RANBP2: variants seen among roughly 807,000 people sequenced by gnomAD.
RANBP2 encodes RAN binding protein 2.
A neutral mutation model predicts 303.6 loss-of-function variants in RANBP2; 57 were observed. The observed-to-expected ratio is 0.19, with a 90% CI of 0.15 to 0.23. The LOEUF (loss-of-function observed/expected upper bound fraction) is 0.23. Among genes scored for constraint, RANBP2 ranks in the 10% least tolerant of loss-of-function variants. The pLI, the probability that RANBP2 is intolerant of heterozygous loss-of-function variation, is 1.00. For missense variants in RANBP2, 3,138 were observed against 3,780.8 expected (o/e 0.83, Z 4.46); for synonymous variants, 1,167 against 1,301.5 (o/e 0.90, Z 2.23).
the RANBP2 span, among the ~76,000 whole-genome samples, chr2:108,988,805 C>T: frequency 6.6e-6 from 1 of 152,182 alleles, no homozygotes; most frequent in Non-Finnish European, 1.5e-5. Flanking sequence ...GAACTGGTAG[C>T]GCAGACATAC....
the RANBP2 span, among the ~76,000 whole-genome samples, chr2:109,666,783 A>G: frequency 0.96 from 146,100 of 152,314 alleles, 70,267 homozygotes; most frequent in Non-Finnish European, 0.99. Flanking sequence ...AAAAATAATC[A>G]CCTCAGTGGC....
At chr2:109,420,806 T>A in the RANBP2 span, among the ~76,000 whole-genome samples, 1 of 152,146 alleles carries the variant, frequency 6.6e-6, no homozygotes, top group Admixed American at 6.5e-5. Flanking sequence ...CTTCAAAAGG[T>A]CTAGAAGTAG....
At chr2:108,755,905 G>A (rs1676278170) in intron 17 of RANBP2, among the ~76,000 whole-genome samples, 1 of 151,984 alleles carries the variant, frequency 6.6e-6, no homozygotes, top group Non-Finnish European at 1.5e-5. Flanking sequence ...TGTATGTTTA[G>A]TAGACACAGA....
the RANBP2 span, among the ~76,000 whole-genome samples, chr2:108,925,789 T>C: frequency 0.5 from 75,965 of 151,940 alleles, 24,081 homozygotes; most frequent in Middle Eastern, 0.74. Context: ...GGCTAATTTT[T>C]ATATTTTAAT....
the RANBP2 span, among the ~76,000 whole-genome samples, chr2:109,627,379 T>G: frequency 6.6e-6 from 1 of 152,056 alleles, no homozygotes; most frequent in African/African-American, 2.4e-5. Context: ...GTATTTTTAG[T>G]AGAGATGGGG....
At chr2:108,805,324 A>G in the RANBP2 span, among the ~76,000 whole-genome samples, 1 of 152,140 alleles carries the variant, frequency 6.6e-6, no homozygotes, top group Admixed American at 6.6e-5. Context: ...ACATTCATTT[A>G]TTTTTGAGTA....
the RANBP2 span, among the ~76,000 whole-genome samples, chr2:108,796,198 G>A: frequency 6.6e-6 from 1 of 151,994 alleles, no homozygotes; most frequent in Admixed American, 6.5e-5. Flanking sequence ...ACAGGCACCT[G>A]CCACCGCGCC....
At chr2:109,760,198 T>C in the RANBP2 span, 4 of 148,274 alleles carry the variant, frequency 2.7e-5, no homozygotes, top group Non-Finnish European at 3.0e-5. Flanking sequence ...CCTGGTTTTG[T>C]TAAAAAAAAA....
At chr2:109,075,803 A>T in the RANBP2 span, among the ~76,000 whole-genome samples, 3 of 150,642 alleles carry the variant, frequency 2.0e-5, no homozygotes, top group Non-Finnish European at 4.4e-5. Flanking sequence ...CAGATGAGTT[A>T]CAAATAAGGA....
At chr2:108,943,058 C>A in the RANBP2 span, among the ~76,000 whole-genome samples, 1 of 152,336 alleles carries the variant, frequency 6.6e-6, no homozygotes, top group South Asian at 2.1e-4. Context: ...ATGTCCCTTT[C>A]AGAGTGGGCT....
the RANBP2 span, among the ~76,000 whole-genome samples, chr2:109,471,168 G>A: frequency 4.2e-5 from 6 of 142,856 alleles, no homozygotes; most frequent in Non-Finnish European, 9.0e-5. Context: ...AGCCGAGATC[G>A]TGCCATTGCA....
chr2:108,749,200 A>T lies in RANBP2; in HGVS notation c.1273+71A>T, dbSNP rs938955977. On this transcript the variant is annotated intron_variant, in intron 9 of 28. Coordinates refer to ENST00000283195, the MANE Select transcript of RANBP2 (RefSeq NM_006267.5). ...TAAATTGCCCATAATCTTATTACCC[A>T]GAAATAACGACTTAATATTTTCCTG... is the stretch of plus-strand genomic sequence containing the variant. 8.8e-5 allele frequency: 141 copies of T among 1,606,222 alleles called. 1 individual carries two copies. The highest frequency in any genetic ancestry group is 4.4e-5 in the South Asian group (4 of 90,742).
At chr2:109,641,202 G>C in the RANBP2 span, among the ~76,000 whole-genome samples, 5 of 151,976 alleles carry the variant, frequency 3.3e-5, no homozygotes, top group East Asian at 1.9e-4. Flanking sequence ...GCAGTGGAGC[G>C]ATCTTGGCTC....
the RANBP2 span, among the ~76,000 whole-genome samples, chr2:109,652,976 C>T: frequency 6.6e-6 from 1 of 152,110 alleles, no homozygotes; most frequent in Non-Finnish European, 1.5e-5. Flanking sequence ...CTAGCAAAGT[C>T]CTGGGAATTG....
At chr2:109,354,106 A>G in the RANBP2 span, among the ~76,000 whole-genome samples, 1 of 152,206 alleles carries the variant, frequency 6.6e-6, no homozygotes, top group Non-Finnish European at 1.5e-5. Context: ...TCAGAGGCAC[A>G]GTTTTGGGTT....
At chr2:108,930,289 A>C in the RANBP2 span, 3 of 1,613,124 alleles carry the variant, frequency 1.9e-6, no homozygotes, top group Admixed American at 1.7e-5. Flanking sequence ...CCTTAGAAAC[A>C]CATGTGACTC....
the RANBP2 span, among the ~76,000 whole-genome samples, chr2:108,921,977 G>A: frequency 3.9e-5 from 6 of 152,246 alleles, no homozygotes; most frequent in Admixed American, 3.3e-4. Flanking sequence ...GGGGGTGGGA[G>A]TGGGGTGCGC....
chr2:109,582,571 T>C, the RANBP2 span, among the ~76,000 whole-genome samples: 1 of 152,190 alleles, frequency 6.6e-6, no homozygotes, highest in African/African-American at 2.4e-5. Context: ...TCCTCTCTCC[T>C]TGACCTCCCA....
chr2:109,147,959 T>A, the RANBP2 span, among the ~76,000 whole-genome samples: 2 of 152,218 alleles, frequency 1.3e-5, no homozygotes, highest in African/African-American at 4.8e-5. Flanking sequence ...AGCTCATTTC[T>A]GCTGATCTTT....
Sources: allele counts gnomAD v4.1 joint callset (sites outside exome capture counted in the v4.1 genomes callset), GRCh38; gene constraint gnomAD v4.1.1; transcripts MANE v1.5; gene names NCBI Gene and HGNC (gene_info 2026-07-23, HGNC 2026-07-21).